Variants in ARHGEF18 observed in about 807,000 individuals in gnomAD.
The protein encoded by ARHGEF18 is Rho/Rac guanine nucleotide exchange factor 18, also known as rho guanine nucleotide exchange factor 18.
In ARHGEF18, 93 loss-of-function variants were observed where a neutral mutation model predicts 155.7. The observed-to-expected ratio is 0.60, with a 90% CI of 0.50 to 0.71. ARHGEF18 has a LOEUF of 0.71. Among genes scored for constraint, ARHGEF18 ranks in the 30% least tolerant of loss-of-function variants. ARHGEF18 has a pLI of 0.00. For missense variants in ARHGEF18, 1,593 were observed against 1,816.1 expected, an observed-to-expected ratio of 0.88 and a Z score of 2.23; for synonymous variants, 742 against 753.1, an observed-to-expected ratio of 0.99 and a Z score of 0.24.
At chr19:7,473,011 T>C (rs1403851734), downstream of ARHGEF18, 2 of 456,250 alleles carry the variant, frequency 4.4e-6, no homozygotes, top group Non-Finnish European at 8.8e-6. Context: ...TGGAGGTGCC[T>C]GTGGAGGGTC....
At chr19:7,474,047 AAG>A (rs1195738998), downstream of ARHGEF18, among the ~76,000 whole-genome samples, 2 of 151,406 alleles carry the variant, frequency 1.3e-5, no homozygotes, top group South Asian at 2.1e-4. Context: ...TTAAAAAAAA[AAG>A]AAAAAAGGGC....
At chr19:7,433,525 AAAAAAAAGT>A (rs1450718363) in intron 10 of ARHGEF18, among the ~76,000 whole-genome samples, 1 of 150,814 alleles carries the variant, frequency 6.6e-6, no homozygotes, top group African/African-American at 2.4e-5. Context: ...AAAAAAAAAA[AAAAAAAAGT>A]GTATCAGGTT....
intron 10 of ARHGEF18, among the ~76,000 whole-genome samples, chr19:7,418,700 A>G (rs2145661316): frequency 6.6e-6 from 1 of 152,196 alleles, no homozygotes; most frequent in South Asian, 2.1e-4. Context: ...GAGCCCGGGC[A>G]GCGTGGCTGC....
chr19:7,473,055 G>A (rs766875212), downstream of ARHGEF18: 46 of 456,142 alleles, frequency 1.0e-4, no homozygotes, highest in Non-Finnish European at 1.7e-4. Context: ...CTTTGGTGGC[G>A]CCTCCACGAA....
At chr19:7,350,329 G>A (rs564388395) in intron 1 of ARHGEF18, among the ~76,000 whole-genome samples, 60 of 152,218 alleles carry the variant, frequency 3.9e-4, no homozygotes, top group African/African-American at 1.4e-3. Flanking sequence ...GTGACGCTGG[G>A]GGCTGATGCT....
In ARHGEF18 at chr19:7,469,140, G is replaced by A. The variant is rs1308120128; in HGVS notation, c.3787+9G>A. 1.9e-6 allele frequency: 3 copies of A among 1,580,946 alleles called. No homozygotes were observed. The highest frequency in any genetic ancestry group is 2.6e-6 in the Non-Finnish European group (3 of 1,163,514). On this transcript the variant is annotated intron_variant, in intron 27 of 28. Coordinates refer to ENST00000668164, the MANE Select transcript of ARHGEF18 (RefSeq NM_001367823.1). ...GCGCTGGGAGAGCTCAGGTGAGCCG[G>A]CCCCACCCCTTCGCCTGGGCCTGGA...
intron 1 of ARHGEF18, among the ~76,000 whole-genome samples, chr19:7,354,080 C>A (rs1969223588): frequency 6.6e-6 from 1 of 152,052 alleles, no homozygotes; most frequent in South Asian, 2.1e-4. Flanking sequence ...GAGGCTGAGC[C>A]AGGAGGGTCA....
At chr19:7,466,829 T>TAA in intron 23 of ARHGEF18, 89 bp from the exon 24 acceptor site, 1 of 900,706 alleles carries the variant, frequency 1.1e-6, no homozygotes, top group Non-Finnish European at 1.5e-6. Context: ...AAAAAAAAGT[T>TAA]AAAAAAAAAG....
At chr19:7,439,283 C>CA (rs1555720503) in intron 10 of ARHGEF18, among the ~76,000 whole-genome samples, 2 of 149,986 alleles carry the variant, frequency 1.3e-5, no homozygotes, top group Non-Finnish European at 3.0e-5. Context: ...TAGTGAGACC[C>CA]CCCCCCAACC....
intron 20 of ARHGEF18, 86 bp downstream of exon 20, chr19:7,460,080 C>G: frequency 7.7e-7 from 1 of 1,301,760 alleles, no homozygotes; most frequent in Non-Finnish European, 1.1e-6. Flanking sequence ...GGTGAACTGC[C>G]CCCCAGGTGA....
intron 10 of ARHGEF18, chr19:7,383,528 A>G (rs1387564365): frequency 7.6e-6 from 3 of 396,228 alleles, no homozygotes; most frequent in Non-Finnish European, 8.9e-6. Flanking sequence ...ACCATCAGAG[A>G]TATATTCCCT....
At chr19:7,352,513 C>G (rs1969182230) in intron 1 of ARHGEF18, among the ~76,000 whole-genome samples, 1 of 147,494 alleles carries the variant, frequency 6.8e-6, no homozygotes, top group African/African-American at 2.5e-5. Flanking sequence ...TTATGTCCTT[C>G]TCACTTTCCT....
At chr19:7,464,072 C>CT in intron 22 of ARHGEF18, 117 bp downstream of exon 22, 1 of 1,379,136 alleles carries the variant, frequency 7.3e-7, no homozygotes, top group Non-Finnish European at 9.6e-7. Context: ...GAGTCTTGCT[C>CT]TGTCACCCAG....
intron 10 of ARHGEF18, among the ~76,000 whole-genome samples, chr19:7,409,760 C>T (rs1028810538): frequency 1.6e-4 from 10 of 63,390 alleles, no homozygotes; most frequent in Middle Eastern, 0.017. Context: ...GTTTTTCTTT[C>T]TTTCTTTCTT....
chr19:7,399,435 A>G (rs1397044609), intron 10 of ARHGEF18, among the ~76,000 whole-genome samples: 1 of 151,534 alleles, frequency 6.6e-6, no homozygotes, highest in Non-Finnish European at 1.5e-5. Flanking sequence ...TTCTAGTCTG[A>G]TTATGTTCAA....
intron 14 of ARHGEF18, among the ~76,000 whole-genome samples, chr19:7,446,511 G>A (rs1402448998): frequency 1.3e-5 from 2 of 152,152 alleles, no homozygotes; most frequent in African/African-American, 2.4e-5. Flanking sequence ...GGGAAGATGA[G>A]GTGGGTGGAT....
At chr19:7,374,705 CT>C (rs1475791532) in intron 3 of ARHGEF18, among the ~76,000 whole-genome samples, 1 of 151,694 alleles carries the variant, frequency 6.6e-6, no homozygotes, top group Non-Finnish European at 1.5e-5. Flanking sequence ...AAAAAATCGA[CT>C]GCATGCACAC....
chr19:7,466,567 C>A lies in ARHGEF18; in HGVS notation c.2905-351C>A, dbSNP rs374778635. On this transcript the variant is annotated intron_variant, in intron 23 of 28. Transcript: ENST00000668164. ...CCTGTAATCCCAGCACTTTGGGAGG[C>A]CGAGGCGGGCGGATCACCTGAGGTC... Among the ~76,000 whole-genome samples the A allele has an allele frequency of 4.7e-4, 71 of 149,916 alleles. No individual in the cohort carries two copies. The East Asian group carries it at 8.7e-3, about 18-fold the overall frequency.
intron 10 of ARHGEF18, among the ~76,000 whole-genome samples, chr19:7,407,944 A>C (rs533625526): frequency 3.6e-5 from 5 of 137,042 alleles, no homozygotes; most frequent in Non-Finnish European, 6.1e-5. Flanking sequence ...CCTGGGCAAC[A>C]GAGCGAGACT....
Sources: gnomAD v4.1 joint callset for allele counts (sites outside exome capture counted in the v4.1 genomes callset) on GRCh38, gnomAD v4.1.1 for gene constraint, MANE v1.5 for transcripts, NCBI Gene and HGNC (gene_info 2026-07-23, HGNC 2026-07-21) for gene names.